Variants in ASXL2 observed in about 807,000 individuals in gnomAD.
ASXL2 encodes the protein ASXL transcriptional regulator 2.
A neutral mutation model predicts 122.0 loss-of-function variants in ASXL2; 23 were observed. The ratio of observed to expected loss-of-function variants is 0.19; its 90% CI spans 0.14 to 0.27. The LOEUF (loss-of-function observed/expected upper bound fraction) is 0.27, where lower values mean the gene tolerates loss of function less well. ASXL2 is among the 10% of genes least tolerant of loss of function. The pLI, the probability that ASXL2 is intolerant of heterozygous loss-of-function variation, is 1.00. For synonymous variants in ASXL2, 650 were observed against 637.0 expected (o/e 1.02, Z -0.31); for missense variants, 1,518 against 1,713.8 (o/e 0.89, Z 2.02).
intron 2 of ASXL2, among the ~76,000 whole-genome samples, chr2:25,841,750 A>T (rs1419860019): frequency 6.6e-6 from 1 of 152,100 alleles, no homozygotes; most frequent in Non-Finnish European, 1.5e-5. Context: ...GATCGAGACC[A>T]TCCTGGCTAA....
rs187118860 is a variant in ASXL2 at position 25,743,998 on chromosome 2, G to A, written c.2339C>T (p.Pro780Leu). Residue 780 changes from proline (P) to leucine (L), a missense_variant, in exon 13 of 13, where the codon CCT (proline) becomes CTT (leucine). Pro to Leu is a moderately conservative substitution (Grantham distance 98). Coordinates refer to ENST00000435504, the MANE Select transcript of ASXL2 (RefSeq NM_018263.6). ...TGCTCCACTGACGGCAGGTGTTGGAGGCACTGGGGGGGTTTGCTGTAGTTG... is the reference window on the plus strand; with the variant it reads ...TGCTCCACTGACGGCAGGTGTTGGAAGCACTGGGGGGGTTTGCTGTAGTTG... The part of the protein sequence containing the change: ...GAQLQQTPPV[P>L]PTPAVSGACT... 2 of 1,614,012 alleles carry A rather than the reference G, an allele frequency of 1.2e-6. No homozygotes were observed. Among genetic ancestry groups the A allele is most frequent in the Middle Eastern group, 1.6e-4 (1 of 6,062 alleles).
intron 3 of ASXL2, among the ~76,000 whole-genome samples, chr2:25,824,738 A>C (rs1199017473): frequency 6.6e-6 from 1 of 152,148 alleles, no homozygotes; most frequent in East Asian, 1.9e-4. Flanking sequence ...ATGTTTCCTA[A>C]TTATGTATTT....
intron 8 of ASXL2, among the ~76,000 whole-genome samples, chr2:25,765,268 G>A (rs549986579): frequency 4.6e-5 from 7 of 152,132 alleles, no homozygotes; most frequent in East Asian, 3.9e-4. Flanking sequence ...GGCAGATCAC[G>A]AGGTCAGGAG....
At chr2:25,758,675 C>CTTT (rs1413771261) in intron 9 of ASXL2, among the ~76,000 whole-genome samples, 11 of 133,906 alleles carry the variant, frequency 8.2e-5, no homozygotes, top group African/African-American at 3.2e-4. Context: ...CTTTTTGCTA[C>CTTT]TTTTGTTTTT....
chr2:25,872,398 T>C (rs2089968948), intron 1 of ASXL2, among the ~76,000 whole-genome samples: 2 of 151,212 alleles, frequency 1.3e-5, no homozygotes, highest in South Asian at 2.1e-4. Context: ...AAAAAAAAAA[T>C]TAAAACTTAA....
chr2:25,784,098 T>TAAATAAAC (rs1559510302), intron 5 of ASXL2, among the ~76,000 whole-genome samples: 1 of 137,060 alleles, frequency 7.3e-6, no homozygotes, highest in Non-Finnish European at 1.6e-5. Context: ...AATAAATAAA[T>TAAATAAAC]ATAAAGTTAG....
chr2:25,779,564 C>A (rs753610868), intron 5 of ASXL2, among the ~76,000 whole-genome samples: 10 of 152,160 alleles, frequency 6.6e-5, no homozygotes, highest in Non-Finnish European at 1.3e-4. Context: ...TCTCCTTCAA[C>A]ATCTGTAAAA....
chr2:25,856,704 T>C (rs1314607165), intron 1 of ASXL2: 1 of 1,296,996 alleles, frequency 7.7e-7, no homozygotes, highest in Non-Finnish European at 1.1e-6. Flanking sequence ...TTTGCATACC[T>C]GGATCGATTC....
intron 1 of ASXL2, among the ~76,000 whole-genome samples, chr2:25,876,174 C>G (rs866584473): frequency 3.9e-5 from 6 of 152,214 alleles, no homozygotes; most frequent in Middle Eastern, 6.8e-3. Context: ...AGAAAAATAC[C>G]AAGCTACTAA....
At chr2:25,772,288 A>T (rs1380719780) in intron 5 of ASXL2, among the ~76,000 whole-genome samples, 1 of 151,724 alleles carries the variant, frequency 6.6e-6, no homozygotes, top group African/African-American at 2.4e-5. Flanking sequence ...TACCCTTATT[A>T]AAAAAAAATT....
At chr2:25,846,474 C>T (rs1021953497) in intron 1 of ASXL2, among the ~76,000 whole-genome samples, 1 of 152,000 alleles carries the variant, frequency 6.6e-6, no homozygotes, top group Non-Finnish European at 1.5e-5. Context: ...ATGGTGAAAC[C>T]CCATCTCTAC....
At chr2:25,752,121 T>C (rs958371325) in intron 11 of ASXL2, among the ~76,000 whole-genome samples, 14 of 152,200 alleles carry the variant, frequency 9.2e-5, no homozygotes, top group African/African-American at 2.9e-4. Flanking sequence ...TAAATGACTG[T>C]GAAGGAGATG....
intron 1 of ASXL2, among the ~76,000 whole-genome samples, chr2:25,872,418 C>T (rs1268241826): frequency 6.6e-6 from 1 of 151,794 alleles, no homozygotes; most frequent in Non-Finnish European, 1.5e-5. Flanking sequence ...AATAAATTCC[C>T]AACTCAAATA....
At chr2:25,862,657 T>C (rs1019974279) in intron 1 of ASXL2, among the ~76,000 whole-genome samples, 3 of 152,192 alleles carry the variant, frequency 2.0e-5, no homozygotes, top group African/African-American at 7.2e-5. Flanking sequence ...TGGAGTGCAG[T>C]GGCATGATCT....
Position 25,739,078 on chromosome 2 carries a change from T to A in ASXL2, c.*2951A>T, listed in dbSNP as rs1394052299. Reference sequence around the variant, plus strand: ...CTTTATAAACAAGACTGAGACTATATTATTGATGCTATCTCCTGGGGTGAC... The same window carrying A: ...CTTTATAAACAAGACTGAGACTATAATATTGATGCTATCTCCTGGGGTGAC... On this transcript the variant is annotated 3_prime_UTR_variant, in exon 13 of 13. Transcript: ENST00000435504. 6.6e-6 allele frequency: 1 copy of A among 152,218 alleles called. No homozygotes were observed. Among genetic ancestry groups the A allele is most frequent in the African/African-American group, 2.4e-5 (1 of 41,460 alleles). 9.4% of individuals were successfully genotyped at this position (152,218 alleles called of 1,614,324 possible).
chr2:25,868,834 G>A (rs1333287147), intron 1 of ASXL2, among the ~76,000 whole-genome samples: 1 of 152,066 alleles, frequency 6.6e-6, no homozygotes, highest in Non-Finnish European at 1.5e-5. Flanking sequence ...TTCAAGACCA[G>A]CATGAGCAAC....
At chr2:25,855,268 C>A (rs529158145) in intron 1 of ASXL2, among the ~76,000 whole-genome samples, 2 of 152,256 alleles carry the variant, frequency 1.3e-5, no homozygotes, top group African/African-American at 4.8e-5. Flanking sequence ...ACAGGCCAGG[C>A]GCAGTGGCTC....
intron 1 of ASXL2, among the ~76,000 whole-genome samples, chr2:25,863,592 C>A (rs1351269987): frequency 2.6e-5 from 4 of 151,650 alleles, no homozygotes; most frequent in Non-Finnish European, 5.9e-5. Flanking sequence ...ACTCGGGAGG[C>A]TAAGGCAGGA....
intron 5 of ASXL2, among the ~76,000 whole-genome samples, chr2:25,790,800 CTT>C (rs35046164): frequency 0.018 from 1,947 of 108,784 alleles, 14 homozygotes; most frequent in African/African-American, 0.057. Flanking sequence ...AGTTTTTTGT[CTT>C]TTTTTTTTTT....
Sources: allele counts gnomAD v4.1 joint callset (sites outside exome capture counted in the v4.1 genomes callset), GRCh38; gene constraint gnomAD v4.1.1; transcripts MANE v1.5; gene names NCBI Gene and HGNC (gene_info 2026-07-23, HGNC 2026-07-21).